The following ZFP90 variants were observed in gnomAD, a reference collection of about 807,000 sequenced individuals.
ZFP90 encodes the protein ZFP90 zinc finger protein.
A neutral mutation model predicts 60.8 loss-of-function variants in ZFP90; 38 were observed. That is an observed-to-expected ratio of 0.62 (90% CI 0.48 to 0.82). The LOEUF is 0.82. Ranked by LOEUF, ZFP90 falls within the 40% of genes least tolerant of loss-of-function variation. The pLI is 0.00. For missense variants in ZFP90, 711 were observed against 759.1 expected (o/e 0.94, Z 0.74); for synonymous variants, 287 against 264.8 (o/e 1.08, Z -0.82).
intron 3 of ZFP90, 76 bp from the exon 4 acceptor site, chr16:68,558,397 G>T: frequency 7.3e-7 from 1 of 1,365,100 alleles, no homozygotes; most frequent in Non-Finnish European, 1.0e-6. Flanking sequence ...TCAAGGACTA[G>T]TACTGACTTG....
Position 68,550,835 on chromosome 16 carries a change from T to C in ZFP90, c.34-7163T>C, listed in dbSNP as rs560446026. 2.2e-4 allele frequency among the ~76,000 whole-genome samples: 33 copies of C among 152,280 alleles called. No homozygotes were observed. The South Asian group carries it at 3.5e-3, about 16-fold the overall frequency. On this transcript the variant is annotated intron_variant, in intron 2 of 4. Coordinates refer to ENST00000563169, the MANE Select transcript of ZFP90 (RefSeq NM_001305203.2). ...TGAAGGATGAAGGCAAGGGACTGAA[T>C]TCAGGAGACATTTCTGAGGCTTTTG...
At position 68,564,235 on chromosome 16, in the gene ZFP90, CT is replaced by C; in HGVS notation, c.1452del (p.Phe484LeufsTer30). On this transcript the variant is annotated frameshift_variant, in exon 5 of 5. Transcript: ENST00000563169. LOFTEE classifies it high-confidence loss of function. ...GAGAACCCCTATGATTGTGAGCAGG[CT>C]TTTAGTCAGCAAGCTATTTCTCATC... ...TAENPYDCEQ[A>X]FSQQAISHPG... The C allele has an allele frequency of 6.2e-7, 1 of 1,613,928 alleles. No individual in the cohort carries two copies. The highest frequency in any genetic ancestry group is 8.5e-7 in the Non-Finnish European group (1 of 1,179,952).
downstream of ZFP90, among the ~76,000 whole-genome samples, chr16:68,571,856 G>T (rs1282249473): frequency 1.3e-5 from 2 of 152,160 alleles, no homozygotes; most frequent in African/African-American, 2.4e-5. Flanking sequence ...CCACTTGCCA[G>T]AAATGCCTTT....
intron 2 of ZFP90, among the ~76,000 whole-genome samples, chr16:68,543,200 C>A (rs762480202): frequency 6.0e-5 from 9 of 150,694 alleles, no homozygotes; most frequent in South Asian, 2.1e-4. Flanking sequence ...AGATGTATGT[C>A]TGGTGTATTC....
rs973017689 is a variant in ZFP90 at position 68,564,231 on chromosome 16, C to G, written c.1444C>G (p.Gln482Glu). The G allele has an allele frequency of 1.2e-6, 2 of 1,613,846 alleles. No homozygotes were observed. The highest frequency in any genetic ancestry group is 1.3e-5 in the African/African-American group (1 of 74,976). Residue 482 changes from glutamine to glutamate, a missense_variant, in exon 5 of 5, where the codon CAG (glutamine) becomes GAG (glutamate). By Grantham distance (29) the Gln-to-Glu change is conservative (BLOSUM62 2). Coordinates refer to ENST00000563169, the MANE Select transcript of ZFP90 (RefSeq NM_001305203.2). Reference protein sequence around the residue: ...HTAENPYDCEQAFSQQAISHP... With the variant: ...HTAENPYDCEEAFSQQAISHP... The stretch of plus-strand genomic sequence containing the variant: ...TGCAGAGAACCCCTATGATTGTGAG[C>G]AGGCTTTTAGTCAGCAAGCTATTTC...
At position 68,558,594 on chromosome 16, in the gene ZFP90, G is replaced by A. The variant is rs13337315; in HGVS notation, c.256+26G>A. ...GTAAATGAGTGAGAGTCAGGCATTA[G>A]GAATGAATGCAGTTAATGGCACAAC... On this transcript the variant is annotated intron_variant, in intron 4 of 4. Transcript: ENST00000563169. 76 of 1,594,710 alleles carry A rather than the reference G, an allele frequency of 4.8e-5. 1 individual carries two copies. Among genetic ancestry groups the A allele is most frequent in the South Asian group, 3.0e-4 (27 of 90,580 alleles).
At chr16:68,562,766 T>C in intron 4 of ZFP90, 1 of 605,994 alleles carries the variant, frequency 1.7e-6, no homozygotes, top group Non-Finnish European at 2.8e-6. Context: ...TTTGTATCTG[T>C]GCCTAACACA....
chr16:68,552,121 G>A (rs913923816), intron 2 of ZFP90, among the ~76,000 whole-genome samples: 6 of 152,194 alleles, frequency 3.9e-5, no homozygotes, highest in Non-Finnish European at 2.9e-5. Context: ...AGAAGGATGA[G>A]CAGCTATCTG....
exon 3 of ZFP90, chr16:68,575,977 C>T (rs1597763865): frequency 7.7e-6 from 3 of 389,276 alleles, no homozygotes; most frequent in Non-Finnish European, 1.4e-5. Context: ...TTTCACAACT[C>T]TGGAACATTT....
chr16:68,550,089 G>T (rs2091232939), intron 2 of ZFP90, among the ~76,000 whole-genome samples: 1 of 151,860 alleles, frequency 6.6e-6, no homozygotes, highest in African/African-American at 2.4e-5. Flanking sequence ...GTTTTCTAGT[G>T]GCTACAATAT....
At chr16:68,539,726 C>G (rs908342689) in intron 1 of ZFP90, 32 bp from the exon 2 acceptor site, 1 of 1,490,968 alleles carries the variant, frequency 6.7e-7, no homozygotes, top group South Asian at 1.3e-5. Context: ...GGTGTTGCAG[C>G]GGGGTGAGTG....
At chr16:68,550,892 G>A (rs1161175642) in intron 2 of ZFP90, among the ~76,000 whole-genome samples, 1 of 152,222 alleles carries the variant, frequency 6.6e-6, no homozygotes, top group Admixed American at 6.5e-5. Context: ...AAAATGAAGA[G>A]TCAAGGAGGA....
At chr16:68,571,066 CA>C (rs2091565417), downstream of ZFP90, among the ~76,000 whole-genome samples, 2 of 152,282 alleles carry the variant, frequency 1.3e-5, no homozygotes, top group Admixed American at 6.5e-5. Context: ...GGTAGATCTT[CA>C]CACCACACCC....
At chr16:68,558,348 T>C in intron 3 of ZFP90, 125 bp from the exon 4 acceptor site, 1 of 1,129,852 alleles carries the variant, frequency 8.9e-7, no homozygotes, top group Non-Finnish European at 1.3e-6. Flanking sequence ...GCATGACTCC[T>C]TAAGTTGCAC....
At chr16:68,534,105 T>TA (rs1161598920) in intron 2 of ZFP90, among the ~76,000 whole-genome samples, 2 of 152,168 alleles carry the variant, frequency 1.3e-5, no homozygotes, top group South Asian at 4.1e-4. Flanking sequence ...AACTTTTTTT[T>TA]ATCTCTTTGT....
upstream of ZFP90, among the ~76,000 whole-genome samples, chr16:68,537,860 C>T (rs1481844138): frequency 2.6e-5 from 4 of 152,068 alleles, no homozygotes; most frequent in Non-Finnish European, 4.4e-5. Context: ...TAGCCCCTTG[C>T]GCAGGATTTT....
intron 2 of ZFP90, among the ~76,000 whole-genome samples, chr16:68,548,691 T>C (rs1047613861): frequency 3.9e-5 from 6 of 152,078 alleles, no homozygotes; most frequent in African/African-American, 1.4e-4. Context: ...GGTTTCTCCA[T>C]GTTGGTCAGG....
At chr16:68,569,769 G>C (rs536003991), downstream of ZFP90, among the ~76,000 whole-genome samples, 3 of 149,374 alleles carry the variant, frequency 2.0e-5, no homozygotes, top group Admixed American at 2.0e-4. Context: ...GTCTCATAAC[G>C]TGGTCTCAAA....
intron 4 of ZFP90, among the ~76,000 whole-genome samples, chr16:68,561,375 A>C (rs1266183097): frequency 3.9e-5 from 6 of 152,218 alleles, no homozygotes; most frequent in Admixed American, 3.9e-4. Context: ...TGTATGCAGC[A>C]TATCTTTTTC....
Sources: allele counts gnomAD v4.1 joint callset (sites outside exome capture counted in the v4.1 genomes callset), GRCh38; gene constraint gnomAD v4.1.1; transcripts MANE v1.5; gene names NCBI Gene and HGNC (gene_info 2026-07-23, HGNC 2026-07-21).